The following TLK1 variants were observed in gnomAD, a reference collection of about 807,000 sequenced individuals.
TLK1 encodes serine/threonine-protein kinase tousled-like 1.
Under a neutral mutation model 105.3 loss-of-function variants are expected in TLK1, and 24 were observed. The observed-to-expected ratio is 0.23, with a 90% CI of 0.17 to 0.32. The LOEUF (loss-of-function observed/expected upper bound fraction) is 0.32, where lower values mean the gene tolerates loss of function less well. Among genes scored for constraint, TLK1 ranks in the 10% least tolerant of loss-of-function variants. The pLI, the probability that TLK1 is intolerant of heterozygous loss-of-function variation, is 1.00. For synonymous variants in TLK1, 321 were observed against 310.4 expected (o/e 1.03, Z -0.36); for missense variants, 558 against 910.5 (o/e 0.61, Z 4.98).
intron 1 of TLK1, among the ~76,000 whole-genome samples, chr2:171,179,487 T>C (rs1053790615): frequency 5.3e-5 from 8 of 152,200 alleles, no homozygotes; most frequent in Admixed American, 5.2e-4. Flanking sequence ...AGGCTCTTTA[T>C]TGCTATGAGT....
At chr2:171,027,759 A>G (rs961873556) in intron 12 of TLK1, among the ~76,000 whole-genome samples, 8 of 152,264 alleles carry the variant, frequency 5.3e-5, no homozygotes, top group Non-Finnish European at 8.8e-5. Context: ...AAGACCTTGG[A>G]AGTCTGTCCA....
intron 2 of TLK1, among the ~76,000 whole-genome samples, chr2:171,098,082 C>T (rs766021402): frequency 3.9e-5 from 6 of 151,990 alleles, no homozygotes; most frequent in South Asian, 2.1e-4. Context: ...GAGAGTACAA[C>T]GATGGTTGCC....
intron 1 of TLK1, among the ~76,000 whole-genome samples, chr2:171,132,980 T>C (rs930654104): frequency 1.3e-5 from 2 of 152,220 alleles, no homozygotes; most frequent in African/African-American, 4.8e-5. Flanking sequence ...GGCTTGAAGA[T>C]TAACACAACA....
At chr2:171,191,877 G>A (rs1693161793) in intron 1 of TLK1, among the ~76,000 whole-genome samples, 1 of 152,048 alleles carries the variant, frequency 6.6e-6, no homozygotes, top group South Asian at 2.1e-4. Context: ...AAATTGAGGA[G>A]ATGCTACTAT....
chr2:171,065,473 A>T (rs141136784), intron 3 of TLK1, among the ~76,000 whole-genome samples: 2,600 of 152,240 alleles, frequency 0.017, 115 homozygotes, highest in Admixed American at 0.1. Flanking sequence ...GACAGAATGA[A>T]TTTTTTTCTG....
At chr2:171,167,959 T>C (rs1221892855) in intron 1 of TLK1, among the ~76,000 whole-genome samples, 1 of 151,874 alleles carries the variant, frequency 6.6e-6, no homozygotes, top group Non-Finnish European at 1.5e-5. Context: ...TTTAAAAATA[T>C]ATAAATTATA....
At position 170,991,467 on chromosome 2, in the gene TLK1, C is replaced by G. The variant is rs1683780154; in HGVS notation, c.*2313G>C. ...ATGTTATTCAAAATCTATAACATTT[C>G]TTTGGGAAACTTTTAGAAGGAAAAT... On this transcript the variant is annotated 3_prime_UTR_variant, in exon 21 of 21. Transcript: ENST00000431350. The G allele has an allele frequency of 1.3e-5, 2 of 152,170 alleles. No individual in the cohort carries two copies. The highest frequency in any genetic ancestry group is 1.3e-4 in the Admixed American group (2 of 15,284). 9.4% of individuals were successfully genotyped at this position (152,170 alleles called of 1,614,324 possible).
chr2:171,221,065 T>G (rs560791730), intron 1 of TLK1, among the ~76,000 whole-genome samples: 8 of 152,082 alleles, frequency 5.3e-5, no homozygotes, highest in Non-Finnish European at 1.2e-4. Flanking sequence ...AAATTGGGGC[T>G]TATATGTTAA....
At chr2:171,048,105 T>C (rs907247269) in intron 10 of TLK1, among the ~76,000 whole-genome samples, 7 of 152,080 alleles carry the variant, frequency 4.6e-5, no homozygotes, top group Admixed American at 3.9e-4. Context: ...CCCACCACCA[T>C]GCCTGGCTAA....
chr2:171,125,147 A>G (rs996913358), intron 1 of TLK1, among the ~76,000 whole-genome samples: 5 of 152,224 alleles, frequency 3.3e-5, no homozygotes, highest in Admixed American at 6.5e-5. Context: ...TGGCAAACAA[A>G]TAAGCCACTT....
intron 2 of TLK1, among the ~76,000 whole-genome samples, chr2:171,085,915 T>C (rs1417018509): frequency 6.6e-6 from 1 of 152,220 alleles, no homozygotes; most frequent in Non-Finnish European, 1.5e-5. Flanking sequence ...ATGGAAAGCA[T>C]ACACAAAATA....
intron 2 of TLK1, among the ~76,000 whole-genome samples, chr2:171,097,191 G>A (rs1210187661): frequency 6.6e-6 from 1 of 152,152 alleles, no homozygotes; most frequent in African/African-American, 2.4e-5. Flanking sequence ...AGGGTGAATT[G>A]ATCTTTGGCA....
intron 11 of TLK1, among the ~76,000 whole-genome samples, chr2:171,042,482 A>G (rs901198650): frequency 6.6e-6 from 1 of 152,000 alleles, no homozygotes; most frequent in African/African-American, 2.4e-5. Flanking sequence ...TCTTGACCTC[A>G]GTGATCTTTC....
chr2:171,146,963 T>A (rs755038535), intron 1 of TLK1, among the ~76,000 whole-genome samples: 2 of 152,204 alleles, frequency 1.3e-5, no homozygotes, highest in Non-Finnish European at 2.9e-5. Context: ...CTTCTACTAC[T>A]AATAAATCTG....
At chr2:171,126,386 T>C (rs931124713) in intron 1 of TLK1, among the ~76,000 whole-genome samples, 1 of 152,196 alleles carries the variant, frequency 6.6e-6, no homozygotes, top group African/African-American at 2.4e-5. Flanking sequence ...TCAATAAATG[T>C]TGATTACTGT....
intron 1 of TLK1, among the ~76,000 whole-genome samples, chr2:171,194,688 G>T (rs556195114): frequency 2.7e-5 from 4 of 149,442 alleles, no homozygotes; most frequent in African/African-American, 1.0e-4. Flanking sequence ...GTGGTAGCGG[G>T]CGCCTGTAGT....
chr2:171,013,520 C>T (rs1457850783), intron 13 of TLK1, among the ~76,000 whole-genome samples: 2 of 151,452 alleles, frequency 1.3e-5, no homozygotes, highest in African/African-American at 2.4e-5. Context: ...TGCTGAGGCT[C>T]GTTTTTGACT....
intron 3 of TLK1, among the ~76,000 whole-genome samples, chr2:171,071,962 T>C (rs186413698): frequency 6.6e-6 from 1 of 152,358 alleles, no homozygotes; most frequent in East Asian, 1.9e-4. Context: ...TCTATGTGTC[T>C]GTTTTTATGC....
chr2:171,178,573 T>C (rs1326532770), intron 1 of TLK1, among the ~76,000 whole-genome samples: 2 of 152,226 alleles, frequency 1.3e-5, no homozygotes, highest in Non-Finnish European at 2.9e-5. Flanking sequence ...AAAACAGCAG[T>C]GGAAAAGTAA....
Sources: gnomAD v4.1 joint callset for allele counts (sites outside exome capture counted in the v4.1 genomes callset) on GRCh38, gnomAD v4.1.1 for gene constraint, MANE v1.5 for transcripts, NCBI Gene and HGNC (gene_info 2026-07-23, HGNC 2026-07-21) for gene names.